The following MAP3K13 variants were observed in gnomAD, a reference collection of about 807,000 sequenced individuals.
The protein encoded by MAP3K13 is leucine zipper-bearing kinase.
In MAP3K13, 52 loss-of-function variants were observed where a neutral mutation model predicts 104.0. That is an observed-to-expected ratio of 0.50 (90% CI 0.40 to 0.63). The LOEUF is 0.63. MAP3K13 is among the 20% of genes least tolerant of loss of function. The pLI is 0.00. For synonymous variants in MAP3K13, 394 were observed against 442.2 expected, an observed-to-expected ratio of 0.89 and a Z score of 1.37; for missense variants, 914 against 1,218.5, an observed-to-expected ratio of 0.75 and a Z score of 3.72.
chr3:185,455,880 TATATGATATAG>T lies in MAP3K13; in HGVS notation c.1278+4488_1278+4498del, dbSNP rs1181373585. ...AGATATATATGAGATATAGATGAGA[TATATGATATAG>T]ATGAGATATATATGATATAGATGAG... On this transcript the variant is annotated intron_variant, in intron 7 of 13. Transcript: ENST00000265026. Among the ~76,000 whole-genome samples the T allele has an allele frequency of 2.2e-5, 3 of 135,462 alleles. 1 individual carries two copies. The highest frequency in any genetic ancestry group is 8.3e-5 in the African/African-American group (3 of 36,132). 88.9% of individuals were successfully genotyped at this position (135,462 alleles called of 152,430 possible).
chr3:185,359,929 AT>A (rs1030861642), upstream of MAP3K13, among the ~76,000 whole-genome samples: 2 of 150,536 alleles, frequency 1.3e-5, no homozygotes, highest in East Asian at 1.9e-4. Flanking sequence ...TTAAAAACAC[AT>A]TTTTTTCCTC....
intron 8 of MAP3K13, among the ~76,000 whole-genome samples, chr3:185,464,205 G>A (rs562001544): frequency 7.9e-5 from 12 of 152,274 alleles, no homozygotes; most frequent in Non-Finnish European, 1.3e-4. Context: ...TGAGAATCAC[G>A]TGAACCCAGG....
intron 10 of MAP3K13, among the ~76,000 whole-genome samples, chr3:185,470,128 A>G (rs1271965356): frequency 6.6e-6 from 1 of 152,116 alleles, no homozygotes; most frequent in Admixed American, 6.5e-5. Flanking sequence ...TTTTTTATTT[A>G]TTGCATTTCT....
At chr3:185,454,251 G>C (rs1474594006) in intron 7 of MAP3K13, among the ~76,000 whole-genome samples, 8 of 81,890 alleles carry the variant, frequency 9.8e-5, no homozygotes, top group African/African-American at 3.7e-4. Context: ...AGATATATAT[G>C]ATACATATAT....
chr3:185,429,938 G>A (rs1714649055), intron 2 of MAP3K13, among the ~76,000 whole-genome samples: 1 of 152,150 alleles, frequency 6.6e-6, no homozygotes, highest in Non-Finnish European at 1.5e-5. Context: ...GGTGGCTCAA[G>A]CCTGTAATCA....
At chr3:185,285,030 G>A (rs1463084986) in intron 1 of MAP3K13, among the ~76,000 whole-genome samples, 2 of 151,506 alleles carry the variant, frequency 1.3e-5, no homozygotes, top group African/African-American at 2.4e-5. Context: ...TATGTCATAC[G>A]GGTGTGTGTG....
At chr3:185,316,892 G>T (rs956687435) in intron 2 of MAP3K13, among the ~76,000 whole-genome samples, 10 of 152,068 alleles carry the variant, frequency 6.6e-5, no homozygotes, top group Middle Eastern at 3.4e-3. Context: ...ACGATGACTG[G>T]GTTTTTAATT....
chr3:185,352,541 C>T (rs1385139337), intron 2 of MAP3K13, among the ~76,000 whole-genome samples: 2 of 152,142 alleles, frequency 1.3e-5, no homozygotes, highest in Non-Finnish European at 2.9e-5. Flanking sequence ...ACAATCTCTA[C>T]CACTCTACCT....
chr3:185,288,227 A>C (rs1361945662), intron 2 of MAP3K13, among the ~76,000 whole-genome samples: 1 of 152,152 alleles, frequency 6.6e-6, no homozygotes, highest in Non-Finnish European at 1.5e-5. Context: ...GAATATGGTA[A>C]AGGTGACATG....
intron 2 of MAP3K13, among the ~76,000 whole-genome samples, chr3:185,299,423 C>A (rs1721024126): frequency 6.6e-6 from 1 of 152,216 alleles, no homozygotes; most frequent in South Asian, 2.1e-4. Flanking sequence ...CTTCTGTGGG[C>A]CCTTGTGTTA....
intron 1 of MAP3K13, among the ~76,000 whole-genome samples, chr3:185,407,431 A>G (rs549384158): frequency 6.6e-6 from 1 of 152,330 alleles, no homozygotes; most frequent in Admixed American, 6.5e-5. Context: ...TTAACTCTAT[A>G]TACACAAAAT....
intron 2 of MAP3K13, chr3:185,329,255 T>C (rs925172024): frequency 8.5e-6 from 6 of 703,024 alleles, no homozygotes; most frequent in Non-Finnish European, 1.6e-5. Context: ...TAAAAGTGAG[T>C]ATGTACCTAG....
At position 185,448,134 on chromosome 3, in the gene MAP3K13, G is replaced by A. The variant is rs191327981; in HGVS notation, c.1010+187G>A. 326 of 769,476 alleles carry A rather than the reference G, an allele frequency of 4.2e-4. 4 individuals carry two copies. In the Admixed American group the frequency reaches 5.7e-3, roughly 13 times the overall value. The allele number at this position is 769,476 out of a possible 1,614,324, so 47.7% of individuals were successfully genotyped here. A position where few individuals can be genotyped will look rare whatever the true frequency, so the allele number is the denominator to read the frequency against. On this transcript the variant is annotated intron_variant, in intron 5 of 13. Coordinates refer to ENST00000265026, the MANE Select transcript of MAP3K13 (RefSeq NM_004721.5). ...GATATATGGGGAGAAGGATTAGGGGGAATTAGGGTGGCTATCTACTCAGTA... is the reference window on the plus strand; with the variant it reads ...GATATATGGGGAGAAGGATTAGGGGAAATTAGGGTGGCTATCTACTCAGTA...
At chr3:185,285,031 GGT>G (rs10634892) in intron 1 of MAP3K13, among the ~76,000 whole-genome samples, 147 of 148,534 alleles carry the variant, frequency 9.9e-4, no homozygotes, top group African/African-American at 2.5e-3. Flanking sequence ...ATGTCATACG[GGT>G]GTGTGTGTGT....
chr3:185,292,043 G>T, intron 2 of MAP3K13: 5 of 981,520 alleles, frequency 5.1e-6, no homozygotes, highest in Non-Finnish European at 6.1e-6. Context: ...GGTGGCTCAT[G>T]CCTGTAATCC....
In MAP3K13 at chr3:185,363,184, T is replaced by G. The variant is rs1723716343; in HGVS notation, c.-270T>G. The G allele has an allele frequency of 3.0e-6, 3 of 985,030 alleles. No individual in the cohort carries two copies. Among genetic ancestry groups the G allele is most frequent in the Non-Finnish European group, 3.6e-6 (3 of 829,874 alleles). 61.0% of individuals were successfully genotyped at this position (985,030 alleles called of 1,614,324 possible). A position where few individuals can be genotyped will look rare whatever the true frequency, so the allele number is the denominator to read the frequency against. On this transcript the variant is annotated 5_prime_UTR_variant, in exon 1 of 14. Coordinates refer to ENST00000265026, the MANE Select transcript of MAP3K13 (RefSeq NM_004721.5). ...TGTGCGGAATCCTAAACCAGCCCAA[T>G]TTACATCCATTCATGAATCTGTGAC... is the stretch of plus-strand genomic sequence containing the variant.
Position 185,373,574 on chromosome 3 carries a change from G to A in MAP3K13, c.-86+10206G>A, listed in dbSNP as rs996650172. On this transcript the variant is annotated intron_variant, in intron 1 of 13. Transcript: ENST00000265026. ...CTAGAATCACTTGAACCCAGGAGGCGGAGGTTGCAGTGAGCGGAGATCATG... is the reference window on the plus strand; with the variant it reads ...CTAGAATCACTTGAACCCAGGAGGCAGAGGTTGCAGTGAGCGGAGATCATG... Among the ~76,000 whole-genome samples, 10 of 152,254 alleles carry A rather than the reference G, an allele frequency of 6.6e-5. No individual in the cohort carries two copies. In the South Asian group the frequency reaches 8.3e-4, roughly 13 times the overall value.
At chr3:185,325,482 C>G (rs910587058) in intron 2 of MAP3K13, among the ~76,000 whole-genome samples, 2 of 152,198 alleles carry the variant, frequency 1.3e-5, no homozygotes, top group South Asian at 2.1e-4. Context: ...GAGGAACTTG[C>G]AGCCGTCACG....
chr3:185,461,772 A>G (rs991361027), intron 7 of MAP3K13, among the ~76,000 whole-genome samples: 1 of 152,134 alleles, frequency 6.6e-6, no homozygotes, highest in Non-Finnish European at 1.5e-5. Flanking sequence ...CATGTTGGCC[A>G]GGCTGGTCTT....
Sources: gnomAD v4.1 joint callset for allele counts (sites outside exome capture counted in the v4.1 genomes callset) on GRCh38, gnomAD v4.1.1 for gene constraint, MANE v1.5 for transcripts, NCBI Gene and HGNC (gene_info 2026-07-23, HGNC 2026-07-21) for gene names.